The following VANGL1 variants were observed in gnomAD, a reference collection of about 807,000 sequenced individuals.
VANGL1 encodes the protein VANGL planar cell polarity protein 1, also known as vang-like protein 1.
In VANGL1, 18 loss-of-function variants were observed where a neutral mutation model predicts 48.4. That is an observed-to-expected ratio of 0.37 (90% CI 0.26 to 0.55). The LOEUF (loss-of-function observed/expected upper bound fraction) is 0.55, where lower values mean the gene tolerates loss of function less well. VANGL1 is among the 20% of genes least tolerant of loss of function. VANGL1 has a pLI of 0.81. For synonymous variants in VANGL1, 257 were observed against 261.8 expected (o/e 0.98, Z 0.18); for missense variants, 667 against 675.8 (o/e 0.99, Z 0.14).
Position 115,682,527 on chromosome 1 carries a change from C to G in VANGL1, c.946+30C>G. 3 of 1,614,028 alleles carry G rather than the reference C, an allele frequency of 1.9e-6. 1 individual carries two copies. In the South Asian group the frequency reaches 3.3e-5, roughly 18 times the overall value. The stretch of plus-strand genomic sequence containing the variant: ...GTGCCTTGAAAGGGTGTCCGTGGTG[C>G]TCACAGGGGCACAGTTGGGTGACTA... On this transcript the variant is annotated intron_variant, in intron 5 of 7. Transcript: ENST00000355485.
In VANGL1 at chr1:115,662,786, AT is replaced by A. The variant is rs747147852; in HGVS notation, c.205-857del. ...TGGATCTTGTGAACATCATAAGGAG[AT>A]TTTTTTTTTTTTTTTTTGAGACGGA... is the stretch of plus-strand genomic sequence containing the variant. On this transcript the variant is annotated intron_variant, in intron 3 of 7. Coordinates refer to ENST00000355485, the MANE Select transcript of VANGL1 (RefSeq NM_138959.3). Among the ~76,000 whole-genome samples the A allele has an allele frequency of 3.9e-3, 539 of 137,530 alleles. 1 individual carries two copies. The highest frequency in any genetic ancestry group is 7.0e-3 in the East Asian group (33 of 4,710). 90.2% of individuals were successfully genotyped at this position (137,530 alleles called of 152,430 possible).
intron 4 of VANGL1, among the ~76,000 whole-genome samples, chr1:115,673,678 C>T (rs1394052933): frequency 6.7e-6 from 1 of 149,130 alleles, no homozygotes; most frequent in Non-Finnish European, 1.5e-5. Context: ...CAGCTCTCTG[C>T]AACCTCTGTC....
In VANGL1 at chr1:115,654,297, C is replaced by T. The variant is rs566183153; in HGVS notation, c.71+2813C>T. On this transcript the variant is annotated intron_variant, in intron 2 of 7. Transcript: ENST00000355485. ...ATGACACCATGATCATCTTAGAAGA[C>T]TGGCCAGGTTCCAAGCAGATGACAA... 2.0e-5 allele frequency among the ~76,000 whole-genome samples: 3 copies of T among 151,868 alleles called. No individual in the cohort carries two copies. In the South Asian group the frequency reaches 6.2e-4, roughly 32 times the overall value.
Position 115,692,775 on chromosome 1 carries a change from G to A in VANGL1, c.*1396G>A, listed in dbSNP as rs185557879. ...GGGAGCTCCTTCAGGAGCCCCATCC[G>A]GACCTCTTGCACTGGGCTGCCTTTG... On this transcript the variant is annotated 3_prime_UTR_variant, in exon 8 of 8. Coordinates refer to ENST00000355485, the MANE Select transcript of VANGL1 (RefSeq NM_138959.3). The A allele has an allele frequency of 6.6e-6, 1 of 152,396 alleles. No individual in the cohort carries two copies. The highest frequency in any genetic ancestry group is 1.5e-5 in the Non-Finnish European group (1 of 68,068). The allele number at this position is 152,396 out of a possible 1,614,324, so 9.4% of individuals were successfully genotyped here. A position where few individuals can be genotyped will look rare whatever the true frequency, so the allele number is the denominator to read the frequency against.
At chr1:115,651,826 G>A (rs529029532) in intron 2 of VANGL1, among the ~76,000 whole-genome samples, 2 of 151,192 alleles carry the variant, frequency 1.3e-5, no homozygotes, top group African/African-American at 2.4e-5. Context: ...GTGCCATCTC[G>A]GCTCACTGCA....
chr1:115,668,333 C>G (rs1652865792), intron 4 of VANGL1, among the ~76,000 whole-genome samples: 1 of 152,210 alleles, frequency 6.6e-6, no homozygotes, highest in South Asian at 2.1e-4. Flanking sequence ...TCCTGTTTCA[C>G]TTAACACAGA....
chr1:115,651,817 T>C (rs576807016), intron 2 of VANGL1, among the ~76,000 whole-genome samples: 194 of 152,062 alleles, frequency 1.3e-3, no homozygotes, highest in Non-Finnish European at 1.4e-3. Flanking sequence ...AATGCAGTGG[T>C]GCCATCTCGG....
rs1383944899 is a variant in VANGL1 at position 115,697,795 on chromosome 1, C to A, written c.*6416C>A. 5 of 152,198 alleles carry A rather than the reference C, an allele frequency of 3.3e-5. No homozygotes were observed. Among genetic ancestry groups the A allele is most frequent in the African/African-American group, 7.2e-5 (3 of 41,456 alleles). The allele number at this position is 152,198 out of a possible 1,614,324, so 9.4% of individuals were successfully genotyped here. ...GTTTGTGTAAAAATGTGGTCAGGGA[C>A]CTTTTTTGTTCTTTCTGATTAGTTA... On this transcript the variant is annotated 3_prime_UTR_variant, in exon 8 of 8. Transcript: ENST00000355485.
At position 115,696,453 on chromosome 1, in the gene VANGL1, A is replaced by T. The variant is rs1031170731; in HGVS notation, c.*5074A>T. The T allele has an allele frequency of 5.3e-5, 8 of 152,154 alleles. No individual in the cohort carries two copies. Among genetic ancestry groups the T allele is most frequent in the Non-Finnish European group, 1.0e-4 (7 of 68,028 alleles). The allele number at this position is 152,154 out of a possible 1,614,324, so 9.4% of individuals were successfully genotyped here. A position where few individuals can be genotyped will look rare whatever the true frequency, so the allele number is the denominator to read the frequency against. On this transcript the variant is annotated 3_prime_UTR_variant, in exon 8 of 8. Transcript: ENST00000355485. ...CAGAAAACCATTTTTCTCTGTTCCC[A>T]TATGTAGTAAGTTTTGATTCAGTTG...
chr1:115,680,941 G>A (rs374207655), intron 4 of VANGL1, among the ~76,000 whole-genome samples: 28 of 152,300 alleles, frequency 1.8e-4, no homozygotes, highest in African/African-American at 6.5e-4. Flanking sequence ...AATCCAAAGG[G>A]CAAGATAAAA....
At position 115,695,957 on chromosome 1, in the gene VANGL1, A is replaced by T. The variant is rs538319593; in HGVS notation, c.*4578A>T. The stretch of plus-strand genomic sequence containing the variant: ...GGCAGGATCTCTTCTTTCACTTTGG[A>T]TTTACACCTTGTCCCTTGGAAAGCT... On this transcript the variant is annotated 3_prime_UTR_variant, in exon 8 of 8. Coordinates refer to ENST00000355485, the MANE Select transcript of VANGL1 (RefSeq NM_138959.3). The T allele has an allele frequency of 3.9e-5, 6 of 152,232 alleles. No individual in the cohort carries two copies. Among genetic ancestry groups the T allele is most frequent in the African/African-American group, 1.4e-4 (6 of 41,520 alleles). 9.4% of individuals were successfully genotyped at this position (152,232 alleles called of 1,614,324 possible).
rs1197429915 is a variant in VANGL1 at position 115,696,422 on chromosome 1, A to C, written c.*5043A>C. On this transcript the variant is annotated 3_prime_UTR_variant, in exon 8 of 8. Transcript: ENST00000355485. ...ACTTTTGACAGAGCAGACGTAAAAC[A>C]GGACTCAGAAAACCATTTTTCTCTG... 1 of 152,248 alleles carries C rather than the reference A, an allele frequency of 6.6e-6. No individual in the cohort carries two copies. Among genetic ancestry groups the C allele is most frequent in the Non-Finnish European group, 1.5e-5 (1 of 68,050 alleles). 9.4% of individuals were successfully genotyped at this position (152,248 alleles called of 1,614,324 possible). A position where few individuals can be genotyped will look rare whatever the true frequency, so the allele number is the denominator to read the frequency against.
Position 115,684,001 on chromosome 1 carries a change from G to C in VANGL1, c.1004G>C (p.Arg335Pro), listed in dbSNP as rs199526468. ...GCCATGATTGCTGCAGCTGCTCGGC[G>C]CAGGGACTCAAGCCACAACGAGTTG... is the stretch of plus-strand genomic sequence containing the variant. ...SRAMIAAAAR[R>P]RDSSHNELYY... Residue 335 changes from arginine to proline, a missense_variant, in exon 6 of 8, where the codon CGC becomes CCC. Coordinates refer to ENST00000355485, the MANE Select transcript of VANGL1 (RefSeq NM_138959.3). 3.1e-6 allele frequency: 5 copies of C among 1,614,062 alleles called. No individual in the cohort carries two copies. Among genetic ancestry groups the C allele is most frequent in the African/African-American group, 1.3e-5 (1 of 75,012 alleles).
intron 2 of VANGL1, among the ~76,000 whole-genome samples, chr1:115,654,885 C>T (rs1652285071): frequency 1.3e-5 from 2 of 152,096 alleles, no homozygotes; most frequent in South Asian, 2.1e-4. Context: ...GTGATGAAAT[C>T]GAGGCACAGA....
chr1:115,671,473 T>C (rs1339276269), intron 4 of VANGL1: 1 of 152,266 alleles, frequency 6.6e-6, no homozygotes, highest in Admixed American at 6.5e-5. Context: ...CATGGTGCGC[T>C]CCTTCCTGCT....
rs183078176 is a variant in VANGL1, at chr1:115,686,675, A to G, written c.1314+1148A>G. On this transcript the variant is annotated intron_variant, in intron 7 of 7. Coordinates refer to ENST00000355485, the MANE Select transcript of VANGL1 (RefSeq NM_138959.3). ...CTTGTAATATCCCTAAAAGTGTGCT[A>G]AATACTGTAATCTAAAAGACCGTTT... Among the ~76,000 whole-genome samples the G allele has an allele frequency of 9.3e-4, 141 of 152,244 alleles. 1 individual carries two copies. The highest frequency in any genetic ancestry group is 3.3e-3 in the African/African-American group (139 of 41,532).
intron 4 of VANGL1, among the ~76,000 whole-genome samples, chr1:115,676,359 A>G (rs1448202603): frequency 6.6e-6 from 1 of 152,144 alleles, no homozygotes; most frequent in African/African-American, 2.4e-5. Context: ...GTCCCTAAGG[A>G]AAACTGTGCA....
chr1:115,668,596 A>G (rs1480544948), intron 4 of VANGL1, among the ~76,000 whole-genome samples: 1 of 152,268 alleles, frequency 6.6e-6, no homozygotes, highest in African/African-American at 2.4e-5. Context: ...CAACCAATTC[A>G]GTATTTCTCA....
At chr1:115,646,133 G>T (rs543064149) in intron 1 of VANGL1, among the ~76,000 whole-genome samples, 1 of 152,158 alleles carries the variant, frequency 6.6e-6, no homozygotes, top group African/African-American at 2.4e-5. Context: ...AATTCTGTTT[G>T]AGGCTGATTA....
Sources: gnomAD v4.1 joint callset for allele counts (sites outside exome capture counted in the v4.1 genomes callset) on GRCh38, gnomAD v4.1.1 for gene constraint, MANE v1.5 for transcripts, NCBI Gene and HGNC (gene_info 2026-07-23, HGNC 2026-07-21) for gene names.